ALDH1A1: variants seen among roughly 807,000 people sequenced by gnomAD.
ALDH1A1 encodes the protein aldehyde dehydrogenase 1A1.
In ALDH1A1, 19 loss-of-function variants were observed where a neutral mutation model predicts 62.1. The ratio of observed to expected loss-of-function variants is 0.31; its 90% CI spans 0.21 to 0.45. The LOEUF is 0.45. ALDH1A1 is among the 20% of genes least tolerant of loss of function. The probability of loss-of-function intolerance (pLI) is 1.00; values close to 1 mark genes in which losing one functional copy is unlikely to be tolerated. For missense variants in ALDH1A1, 521 were observed against 607.1 expected (o/e 0.86, Z 1.49); for synonymous variants, 231 against 215.9 (o/e 1.07, Z -0.61).
intron 7 of ALDH1A1, among the ~76,000 whole-genome samples, chr9:72,920,566 A>G (rs1396581932): frequency 3.3e-5 from 5 of 152,240 alleles, no homozygotes; most frequent in African/African-American, 1.2e-4. Flanking sequence ...AAAATCAAAT[A>G]TATTTTTGTA....
chr9:72,943,939 G>A (rs1830445114), intron 1 of ALDH1A1, among the ~76,000 whole-genome samples: 1 of 151,920 alleles, frequency 6.6e-6, no homozygotes, highest in African/African-American at 2.4e-5. Context: ...AACTGGATTG[G>A]TGGAAAGAAG....
At chr9:72,944,017 C>T (rs931429993) in intron 1 of ALDH1A1, among the ~76,000 whole-genome samples, 1 of 151,976 alleles carries the variant, frequency 6.6e-6, no homozygotes, top group African/African-American at 2.4e-5. Flanking sequence ...GAGCAGCTCC[C>T]AACAGAATGG....
chr9:72,915,695 G>T (rs1313133393), intron 9 of ALDH1A1, among the ~76,000 whole-genome samples: 2 of 152,166 alleles, frequency 1.3e-5, no homozygotes, highest in Non-Finnish European at 2.9e-5. Context: ...TAAGTCCTAA[G>T]ATTTTCCTAC....
intron 2 of ALDH1A1, among the ~76,000 whole-genome samples, chr9:72,933,592 C>CAAAAAAAAAAAAA (rs60011646): frequency 1.8e-5 from 2 of 111,732 alleles, no homozygotes; most frequent in African/African-American, 7.1e-5. Context: ...CATCTCAAAA[C>CAAAAAAAAAAAAA]AAAAAAAAAA....
chr9:72,931,368 C>T (rs1830280137), intron 2 of ALDH1A1, among the ~76,000 whole-genome samples: 1 of 152,128 alleles, frequency 6.6e-6, no homozygotes, highest in Admixed American at 6.6e-5. Flanking sequence ...TTTTATGGCA[C>T]AAATATGTTC....
chr9:72,932,607 A>G (rs1184044664), intron 2 of ALDH1A1, among the ~76,000 whole-genome samples: 1 of 152,254 alleles, frequency 6.6e-6, no homozygotes, highest in Non-Finnish European at 1.5e-5. Context: ...GATATATACA[A>G]AATATATGTA....
intron 4 of ALDH1A1, among the ~76,000 whole-genome samples, chr9:72,928,450 G>A (rs1830238588): frequency 1.3e-5 from 2 of 152,256 alleles, no homozygotes; most frequent in Admixed American, 6.5e-5. Context: ...CACTGAGTTT[G>A]ACCAGGCACA....
intron 1 of ALDH1A1, among the ~76,000 whole-genome samples, chr9:72,950,641 T>C (rs1348302619): frequency 6.6e-6 from 1 of 151,806 alleles, no homozygotes; most frequent in African/African-American, 2.4e-5. Flanking sequence ...ATCGTAGTTG[T>C]AATATTTTTT....
At chr9:72,907,631 T>A (rs1218074303) in intron 11 of ALDH1A1, among the ~76,000 whole-genome samples, 1 of 152,228 alleles carries the variant, frequency 6.6e-6, no homozygotes, top group African/African-American at 2.4e-5. Flanking sequence ...TGAGAAATGT[T>A]CACTTGGCAA....
intron 10 of ALDH1A1, 83 bp from the exon 11 acceptor site, chr9:72,909,842 C>T (rs543970769): frequency 1.4e-4 from 166 of 1,201,056 alleles, no homozygotes; most frequent in Middle Eastern, 3.0e-4. Flanking sequence ...TTTTCCTACA[C>T]GCTATCCTAA....
At chr9:72,936,424 C>T (rs544507832) in intron 2 of ALDH1A1, among the ~76,000 whole-genome samples, 4 of 152,254 alleles carry the variant, frequency 2.6e-5, no homozygotes, top group African/African-American at 9.6e-5. Flanking sequence ...TAGTTGCAAA[C>T]TGCAAACAGA....
intron 2 of ALDH1A1, among the ~76,000 whole-genome samples, chr9:72,932,123 C>T (rs1487508279): frequency 6.6e-6 from 1 of 152,174 alleles, no homozygotes; most frequent in Non-Finnish European, 1.5e-5. Context: ...TATATCATTC[C>T]AGTGTTCTTT....
At chr9:72,930,607 G>C (rs1830268739) in intron 3 of ALDH1A1, among the ~76,000 whole-genome samples, 1 of 152,066 alleles carries the variant, frequency 6.6e-6, no homozygotes, top group South Asian at 2.1e-4. Flanking sequence ...TTAAGGTAAA[G>C]AAATTTCTAA....
chr9:72,933,467 G>T (rs1830308654), intron 2 of ALDH1A1, among the ~76,000 whole-genome samples: 1 of 151,850 alleles, frequency 6.6e-6, no homozygotes, highest in Non-Finnish European at 1.5e-5. Context: ...TGTGCCTGTA[G>T]TCCCAGCTAC....
intron 12 of ALDH1A1, 60 bp from the exon 13 acceptor site, chr9:72,901,340 T>C: frequency 1.7e-6 from 2 of 1,173,562 alleles, no homozygotes; most frequent in Non-Finnish European, 2.5e-6. Flanking sequence ...AAATATACTG[T>C]AGTTCATGTT....
At chr9:72,936,467 A>G (rs139298635) in intron 2 of ALDH1A1, among the ~76,000 whole-genome samples, 303 of 152,264 alleles carry the variant, frequency 2.0e-3, no homozygotes, top group African/African-American at 7.1e-3. Flanking sequence ...GAGAGAAAGT[A>G]TGTAGCTCTC....
chr9:72,927,308 C>T (rs964841451), intron 4 of ALDH1A1, 131 bp from the exon 5 acceptor site: 26 of 584,488 alleles, frequency 4.4e-5, no homozygotes, highest in African/African-American at 4.1e-4. Flanking sequence ...TGTGGTGGCT[C>T]ACGCCTGTAA....
chr9:72,936,367 T>C (rs1830346366), intron 2 of ALDH1A1, among the ~76,000 whole-genome samples: 1 of 152,218 alleles, frequency 6.6e-6, no homozygotes, highest in South Asian at 2.1e-4. Flanking sequence ...CAAAGGTCGA[T>C]GTTCAAGGCT....
At chr9:72,904,828 A>G (rs780727306) in intron 12 of ALDH1A1, among the ~76,000 whole-genome samples, 3 of 152,130 alleles carry the variant, frequency 2.0e-5, no homozygotes, top group Admixed American at 1.3e-4. Context: ...CCAGTGTATT[A>G]CTACTTATTT....
Sources: allele counts gnomAD v4.1 joint callset (sites outside exome capture counted in the v4.1 genomes callset), GRCh38; gene constraint gnomAD v4.1.1; transcripts MANE v1.5; gene names NCBI Gene and HGNC (gene_info 2026-07-23, HGNC 2026-07-21).